UBE3D: variants seen among roughly 807,000 people sequenced by gnomAD.
UBE3D encodes the protein ubiquitin protein ligase E3D.
In UBE3D, 48 loss-of-function variants were observed where a neutral mutation model predicts 49.6. The ratio of observed to expected loss-of-function variants is 0.97; its 90% CI spans 0.77 to 1.23. The LOEUF (loss-of-function observed/expected upper bound fraction) is 1.23, where lower values mean the gene tolerates loss of function less well. Ranked by LOEUF, UBE3D falls within the 50% of genes most tolerant of loss-of-function variation. The pLI is 0.00. For synonymous variants in UBE3D, 189 were observed against 174.2 expected, an observed-to-expected ratio of 1.08 and a Z score of -0.67; for missense variants, 452 against 468.4, an observed-to-expected ratio of 0.96 and a Z score of 0.32.
chr6:83,034,571 G>T (rs1341702145), intron 5 of UBE3D, among the ~76,000 whole-genome samples: 1 of 152,004 alleles, frequency 6.6e-6, no homozygotes, highest in Non-Finnish European at 1.5e-5. Context: ...TCATGGGGGT[G>T]GTCTCTAATG....
chr6:83,051,022 T>C (rs1783434870), intron 3 of UBE3D, among the ~76,000 whole-genome samples: 1 of 152,134 alleles, frequency 6.6e-6, no homozygotes, highest in African/African-American at 2.4e-5. Context: ...AACAAAAAGG[T>C]TTGAAACACT....
rs566915738 is a variant in UBE3D, at chr6:83,058,122, A to G, written c.78-100T>C. 22 of 1,198,678 alleles carry G rather than the reference A, an allele frequency of 1.8e-5. No homozygotes were observed. The African/African-American group carries it at 2.3e-4, about 12-fold the overall frequency. 74.3% of individuals were successfully genotyped at this position (1,198,678 alleles called of 1,614,324 possible). ...CCAAGGATCTCTTTCTTCCTCTTCA[A>G]TAGGAGCTCTAAAGTCACTGCCCCA... On this transcript the variant is annotated intron_variant, in intron 1 of 9. Transcript: ENST00000369747.
intron 8 of UBE3D, among the ~76,000 whole-genome samples, chr6:82,959,651 T>C (rs1776406548): frequency 7.0e-6 from 1 of 141,898 alleles, no homozygotes; most frequent in South Asian, 2.2e-4. Context: ...AGGCACCAAG[T>C]GATCTTAAGA....
At chr6:82,914,411 T>C (rs1772758976) in intron 9 of UBE3D, among the ~76,000 whole-genome samples, 1 of 152,090 alleles carries the variant, frequency 6.6e-6, no homozygotes, top group South Asian at 2.1e-4. Flanking sequence ...ATGCAGTGGA[T>C]TGGGTAGAGA....
intron 8 of UBE3D, among the ~76,000 whole-genome samples, chr6:82,995,961 G>A (rs146982077): frequency 0.013 from 1,991 of 152,266 alleles, 17 homozygotes; most frequent in Non-Finnish European, 0.018. Context: ...CAGCTACTGG[G>A]AGGCTGAGGC....
chr6:82,997,420 T>TA (rs929660360), intron 8 of UBE3D, among the ~76,000 whole-genome samples: 17 of 151,778 alleles, frequency 1.1e-4, no homozygotes, highest in Non-Finnish European at 1.9e-4. Flanking sequence ...TTATTTATGT[T>TA]AAAAAAAAGA....
chr6:83,054,097 A>G, intron 3 of UBE3D, 51 bp downstream of exon 3: 1 of 1,461,024 alleles, frequency 6.8e-7, no homozygotes, highest in Non-Finnish European at 9.6e-7. Flanking sequence ...ATAGAAAAAG[A>G]GATAACCATT....
At chr6:82,914,000 G>A (rs896935843) in intron 9 of UBE3D, among the ~76,000 whole-genome samples, 1 of 152,134 alleles carries the variant, frequency 6.6e-6, no homozygotes, top group Admixed American at 6.6e-5. Context: ...GCTGAACACA[G>A]AACACTAGAG....
intron 3 of UBE3D, among the ~76,000 whole-genome samples, chr6:83,046,959 T>C (rs1472533580): frequency 3.3e-5 from 5 of 152,196 alleles, no homozygotes; most frequent in Non-Finnish European, 5.9e-5. Context: ...AAGGGCATCA[T>C]GGAAGAGACA....
intron 8 of UBE3D, among the ~76,000 whole-genome samples, chr6:83,014,771 T>A (rs947201640): frequency 6.6e-6 from 1 of 152,112 alleles, no homozygotes; most frequent in Admixed American, 6.5e-5. Context: ...GAGGGGTCCT[T>A]CCTCAAGGGG....
At position 83,058,041 on chromosome 6, in the gene UBE3D, A is replaced by G. The variant is rs1189804779; in HGVS notation, c.78-19T>C. 7 of 1,611,822 alleles carry G rather than the reference A, an allele frequency of 4.3e-6. No individual in the cohort carries two copies. The highest frequency in any genetic ancestry group is 3.5e-4 in the Middle Eastern group (2 of 5,726). On this transcript the variant is annotated intron_variant, in intron 1 of 9. Transcript: ENST00000369747. The stretch of plus-strand genomic sequence containing the variant: ...CGGTTCTCTGGTAATTAAAAACAAA[A>G]CCCAAACAAATTATTTCTCACAATG...
chr6:82,885,983 C>T, the UBE3D span, among the ~76,000 whole-genome samples: 85 of 152,210 alleles, frequency 5.6e-4, no homozygotes, highest in Non-Finnish European at 1.0e-3. Context: ...TTGTACTCCA[C>T]AACTGCTGGG....
At chr6:83,065,126 T>C (rs1000389195) in intron 1 of UBE3D, among the ~76,000 whole-genome samples, 1 of 152,156 alleles carries the variant, frequency 6.6e-6, no homozygotes, top group African/African-American at 2.4e-5. Flanking sequence ...GTCTTAGTGG[T>C]TCACTAAACT....
At chr6:83,054,090 G>A (rs1783652592) in intron 3 of UBE3D, 58 bp downstream of exon 3, 1 of 1,438,892 alleles carries the variant, frequency 6.9e-7, no homozygotes, top group East Asian at 2.3e-5. Context: ...AATTCTGATA[G>A]AAAAAGAGAT....
At chr6:82,985,572 C>G (rs1778423889) in intron 8 of UBE3D, among the ~76,000 whole-genome samples, 3 of 152,108 alleles carry the variant, frequency 2.0e-5, no homozygotes, top group Admixed American at 2.0e-4. Context: ...CCATGTTAGC[C>G]AGGATGGTCT....
At chr6:82,985,008 CTTTTTTT>C (rs70987727) in intron 8 of UBE3D, among the ~76,000 whole-genome samples, 65 of 53,002 alleles carry the variant, frequency 1.2e-3, no homozygotes, top group Middle Eastern at 0.017. Context: ...TCTTCTTCTT[CTTTTTTT>C]TTTTTTTTTT....
chr6:82,906,325 T>C (rs73475786), intron 9 of UBE3D, among the ~76,000 whole-genome samples: 6,681 of 152,252 alleles, frequency 0.044, 459 homozygotes, highest in African/African-American at 0.15. Context: ...GACTGAAATG[T>C]GACCACTTTT....
chr6:82,892,982 G>A lies in UBE3D; in HGVS notation c.*40C>T, dbSNP rs1562057151. ...CTGGCCTCGGTGTGCTCCTGCTTGA[G>A]AGCTGTCTGCCGGGGGAGGAGAATG... On this transcript the variant is annotated 3_prime_UTR_variant, in exon 10 of 10. Coordinates refer to ENST00000369747, the MANE Select transcript of UBE3D (RefSeq NM_198920.3). The A allele has an allele frequency of 1.2e-6, 2 of 1,613,272 alleles. No homozygotes were observed. Among genetic ancestry groups the A allele is most frequent in the Non-Finnish European group, 1.7e-6 (2 of 1,179,566 alleles).
At chr6:82,925,916 A>T (rs1282261395) in intron 9 of UBE3D, among the ~76,000 whole-genome samples, 1 of 152,158 alleles carries the variant, frequency 6.6e-6, no homozygotes, top group African/African-American at 2.4e-5. Flanking sequence ...GTAGAAAAAA[A>T]CCTTCCCAAG....
Sources: allele counts gnomAD v4.1 joint callset (sites outside exome capture counted in the v4.1 genomes callset), GRCh38; gene constraint gnomAD v4.1.1; transcripts MANE v1.5; gene names NCBI Gene and HGNC (gene_info 2026-07-23, HGNC 2026-07-21).